Variants in GRIK2 observed in about 807,000 individuals in gnomAD.
GRIK2 encodes the protein glutamate receptor ionotropic, kainate 2.
Under a neutral mutation model 100.3 loss-of-function variants are expected in GRIK2, and 32 were observed. The observed-to-expected ratio is 0.32, with a 90% CI of 0.24 to 0.43. The LOEUF is 0.43. GRIK2 is among the 20% of genes least tolerant of loss of function. GRIK2 has a pLI of 1.00. For synonymous variants in GRIK2, 417 were observed against 389.4 expected (o/e 1.07, Z -0.83); for missense variants, 843 against 1,114.9 (o/e 0.76, Z 3.47).
At chr6:101,591,313 G>A (rs1243214810) in intron 2 of GRIK2, among the ~76,000 whole-genome samples, 2 of 149,462 alleles carry the variant, frequency 1.3e-5, no homozygotes, top group Admixed American at 6.7e-5. Flanking sequence ...TTCTAATGCC[G>A]ATCATCCTTT....
chr6:101,998,989 T>C (rs1794794073), intron 14 of GRIK2, among the ~76,000 whole-genome samples: 3 of 151,718 alleles, frequency 2.0e-5, no homozygotes, highest in Admixed American at 6.6e-5. Flanking sequence ...AACTTTGGTG[T>C]TTTTAGTAGA....
chr6:101,965,386 C>T (rs1792595713), intron 14 of GRIK2, among the ~76,000 whole-genome samples: 1 of 152,040 alleles, frequency 6.6e-6, no homozygotes, highest in African/African-American at 2.4e-5. Flanking sequence ...GTTTTTCTTT[C>T]AGATATCCAA....
At chr6:101,425,222 A>C (rs1217936392) in intron 2 of GRIK2, among the ~76,000 whole-genome samples, 1 of 152,164 alleles carries the variant, frequency 6.6e-6, no homozygotes, top group African/African-American at 2.4e-5. Context: ...CTGGTTCTAG[A>C]TCCCTGAGGA....
chr6:101,971,862 C>T (rs1393626906), intron 14 of GRIK2, among the ~76,000 whole-genome samples: 1 of 151,942 alleles, frequency 6.6e-6, no homozygotes, highest in African/African-American at 2.4e-5. Context: ...GCCTTCTGTT[C>T]TTGCATTAAT....
At chr6:101,929,119 T>G (rs1402235169) in intron 14 of GRIK2, among the ~76,000 whole-genome samples, 2 of 152,084 alleles carry the variant, frequency 1.3e-5, no homozygotes, top group African/African-American at 4.8e-5. Context: ...AAGGTAATAG[T>G]CTGGGAGACA....
chr6:101,874,596 A>G lies in GRIK2; in HGVS notation c.1525-15044A>G, dbSNP rs548102095. ...GCAATGCAGGCTCTTTTTTGGTGCC[A>G]TATGAATTTTAAAGTAGTTTTTTCC... On this transcript the variant is annotated intron_variant, in intron 11 of 16. Transcript: ENST00000369134. 6.6e-5 allele frequency among the ~76,000 whole-genome samples: 10 copies of G among 152,234 alleles called. No individual in the cohort carries two copies. In the East Asian group the frequency reaches 1.7e-3, roughly 26 times the overall value.
chr6:101,657,845 C>T (rs1388610081), intron 4 of GRIK2, among the ~76,000 whole-genome samples: 1 of 151,732 alleles, frequency 6.6e-6, no homozygotes, highest in Non-Finnish European at 1.5e-5. Flanking sequence ...ATAGAGAATG[C>T]ATATAGATAC....
intron 5 of GRIK2, among the ~76,000 whole-genome samples, chr6:101,680,821 G>C (rs1301871561): frequency 6.6e-6 from 1 of 152,052 alleles, no homozygotes; most frequent in Non-Finnish European, 1.5e-5. Context: ...TTTAATAAGG[G>C]AAATTCTGTC....
At chr6:101,484,057 CT>C (rs1772683692) in intron 2 of GRIK2, among the ~76,000 whole-genome samples, 1 of 152,130 alleles carries the variant, frequency 6.6e-6, no homozygotes, top group Admixed American at 6.5e-5. Context: ...TAACCTGAAT[CT>C]TTTTTCTCTT....
intron 10 of GRIK2, among the ~76,000 whole-genome samples, chr6:101,841,174 G>A (rs867038933): frequency 5.9e-5 from 9 of 152,076 alleles, no homozygotes; most frequent in Non-Finnish European, 1.0e-4. Context: ...ATAGCATTCC[G>A]TGTTTACTAT....
rs1464613996 is a variant in GRIK2, at chr6:101,924,587, G to T, written c.1749-14G>T. 7.7e-7 allele frequency: 1 copy of T among 1,299,138 alleles called. No individual in the cohort carries two copies. Among genetic ancestry groups the T allele is most frequent in the South Asian group, 1.2e-5 (1 of 82,538 alleles). 80.5% of individuals were successfully genotyped at this position (1,299,138 alleles called of 1,614,324 possible). On this transcript the variant is annotated splice_polypyrimidine_tract_variant and intron_variant, in intron 12 of 16. Coordinates refer to ENST00000369134, the MANE Select transcript of GRIK2 (RefSeq NM_021956.5). ...GCAATTTAAATGTATTCTTTTTTCT[G>T]TCAATTACCACAGGTTTAGTCCTTA...
intron 2 of GRIK2, among the ~76,000 whole-genome samples, chr6:101,403,025 C>A (rs988329332): frequency 6.6e-6 from 1 of 152,184 alleles, no homozygotes; most frequent in Non-Finnish European, 1.5e-5. Context: ...CTGACCCCAG[C>A]CTGTACGGAA....
At chr6:101,734,964 A>G (rs1775533909) in intron 7 of GRIK2, among the ~76,000 whole-genome samples, 2 of 152,100 alleles carry the variant, frequency 1.3e-5, no homozygotes, top group African/African-American at 2.4e-5. Context: ...TTTGAAATAT[A>G]GTGAGAGATT....
intron 2 of GRIK2, among the ~76,000 whole-genome samples, chr6:101,424,800 A>G (rs1776617826): frequency 6.7e-6 from 1 of 149,962 alleles, no homozygotes. Flanking sequence ...CCCACCTATG[A>G]GTGAGAACAT....
chr6:101,815,317 C>T (rs1442773891), intron 9 of GRIK2, among the ~76,000 whole-genome samples: 1 of 152,062 alleles, frequency 6.6e-6, no homozygotes, highest in Non-Finnish European at 1.5e-5. Context: ...AATATGCATT[C>T]TTTTTCTGAC....
At position 101,978,510 on chromosome 6, in the gene GRIK2, T is replaced by C. The variant is rs140454153; in HGVS notation, c.2085+49878T>C. Reference sequence around the variant, plus strand: ...GTTTGGTACTATTCATCTTACTTTTTTCTCCTTGAACATTACTCACTTTGT... The same window carrying C: ...GTTTGGTACTATTCATCTTACTTTTCTCTCCTTGAACATTACTCACTTTGT... On this transcript the variant is annotated intron_variant, in intron 14 of 16. Transcript: ENST00000369134. Among the ~76,000 whole-genome samples the C allele has an allele frequency of 7.0e-3, 1,060 of 152,084 alleles. 3 individuals are homozygous for C. Among genetic ancestry groups the C allele is most frequent in the Middle Eastern group, 0.014 (4 of 294 alleles).
chr6:101,725,469 A>G (rs919072908), intron 7 of GRIK2, among the ~76,000 whole-genome samples: 18 of 152,138 alleles, frequency 1.2e-4, no homozygotes, highest in Non-Finnish European at 2.5e-4. Flanking sequence ...TTCTCAGGAA[A>G]CGATAATTTA....
At chr6:101,988,500 A>T (rs1474146532) in intron 14 of GRIK2, among the ~76,000 whole-genome samples, 2 of 151,770 alleles carry the variant, frequency 1.3e-5, no homozygotes, top group Non-Finnish European at 2.9e-5. Context: ...GCACTGCCTA[A>T]ATTGAATTCT....
At chr6:101,484,736 G>A (rs1249552914) in intron 2 of GRIK2, among the ~76,000 whole-genome samples, 1 of 151,688 alleles carries the variant, frequency 6.6e-6, no homozygotes, top group Non-Finnish European at 1.5e-5. Flanking sequence ...AGAAATTTGA[G>A]GTAAAGTACA....
Sources: allele counts gnomAD v4.1 joint callset (sites outside exome capture counted in the v4.1 genomes callset), GRCh38; gene constraint gnomAD v4.1.1; transcripts MANE v1.5; gene names NCBI Gene and HGNC (gene_info 2026-07-23, HGNC 2026-07-21).